Variants in EFCAB11 observed in about 807,000 individuals in gnomAD.
EFCAB11 encodes EF-hand calcium-binding domain-containing protein 11.
EFCAB11 carries 14 observed loss-of-function variants against 23.0 expected under a neutral mutation model. The ratio of observed to expected loss-of-function variants is 0.61; its 90% CI spans 0.40 to 0.95. The LOEUF (loss-of-function observed/expected upper bound fraction) is 0.95, where lower values mean the gene tolerates loss of function less well. Among genes scored for constraint, EFCAB11 ranks in the 40% least tolerant of loss-of-function variants. The probability of loss-of-function intolerance (pLI) is 0.00; values close to 1 mark genes in which losing one functional copy is unlikely to be tolerated. For synonymous variants in EFCAB11, 65 were observed against 66.6 expected, an observed-to-expected ratio of 0.98 and a Z score of 0.11; for missense variants, 198 against 195.8, an observed-to-expected ratio of 1.01 and a Z score of -0.07.
At chr14:89,895,947 C>G (rs1384205015) in intron 5 of EFCAB11, among the ~76,000 whole-genome samples, 1 of 151,822 alleles carries the variant, frequency 6.6e-6, no homozygotes, top group Admixed American at 6.6e-5. Flanking sequence ...AAGATGCAAT[C>G]GAAAAATGGG....
At chr14:89,954,370 TAGAG>T (rs1038177562) in intron 1 of EFCAB11, 164 of 1,535,728 alleles carry the variant, frequency 1.1e-4, no homozygotes, top group Non-Finnish European at 1.3e-4. Context: ...ATAGACTATA[TAGAG>T]AGAAAGGAGA....
intron 5 of EFCAB11, among the ~76,000 whole-genome samples, chr14:89,865,107 G>A (rs1043708797): frequency 3.9e-5 from 6 of 152,174 alleles, no homozygotes; most frequent in African/African-American, 1.4e-4. Context: ...AGTCAGTGCT[G>A]CATCCTTGGT....
intron 5 of EFCAB11, among the ~76,000 whole-genome samples, chr14:89,823,916 G>A: frequency 6.6e-6 from 1 of 152,114 alleles, no homozygotes; most frequent in East Asian, 1.9e-4. Flanking sequence ...AACGAACAGA[G>A]GAATGAAAAG....
At chr14:89,832,634 C>T (rs955429867) in intron 5 of EFCAB11, among the ~76,000 whole-genome samples, 4 of 152,256 alleles carry the variant, frequency 2.6e-5, no homozygotes, top group South Asian at 2.1e-4. Context: ...TTTAATCCAC[C>T]GAACCTACTG....
chr14:89,948,254 T>C (rs908128769), intron 3 of EFCAB11, among the ~76,000 whole-genome samples: 1 of 152,194 alleles, frequency 6.6e-6, no homozygotes, highest in African/African-American at 2.4e-5. Context: ...ATATCATTGA[T>C]CAGAGAAATG....
chr14:89,945,479 A>G (rs1247792108), intron 3 of EFCAB11, among the ~76,000 whole-genome samples: 1 of 152,144 alleles, frequency 6.6e-6, no homozygotes, highest in Admixed American at 6.6e-5. Context: ...TCTTTGACCT[A>G]TGAGTTATTT....
chr14:89,855,889 T>C (rs1188104483), intron 5 of EFCAB11, among the ~76,000 whole-genome samples: 1 of 152,198 alleles, frequency 6.6e-6, no homozygotes, highest in East Asian at 1.9e-4. Flanking sequence ...AATATTTGGC[T>C]TTCTGTATGT....
At chr14:89,912,898 T>C (rs1889725330) in intron 5 of EFCAB11, among the ~76,000 whole-genome samples, 3 of 152,190 alleles carry the variant, frequency 2.0e-5, no homozygotes, top group Non-Finnish European at 2.9e-5. Flanking sequence ...CGTCTATAAA[T>C]CAAACTTGCA....
intron 3 of EFCAB11, among the ~76,000 whole-genome samples, chr14:89,942,064 A>C (rs1300138158): frequency 6.6e-6 from 1 of 152,078 alleles, no homozygotes; most frequent in African/African-American, 2.4e-5. Context: ...CTCTCCTGCC[A>C]CCATGGGAAG....
chr14:89,954,623 C>T lies in EFCAB11; in HGVS notation c.38G>A (p.Trp13Ter). ...CCTGTGTTCCGAGGGACTGGCTTCCCACGTCCGCGACCTGGCTCTGGCCTC... is the reference window on the plus strand; with the variant it reads ...CCTGTGTTCCGAGGGACTGGCTTCCTACGTCCGCGACCTGGCTCTGGCCTC... ...FSEARARSRT[W>*]EASPSEHRKW... Residue 13 changes from tryptophan to a stop codon, truncating the protein, a stop_gained, in exon 1 of 6, where the codon TGG becomes TAG. Coordinates refer to ENST00000316738, the MANE Select transcript of EFCAB11 (RefSeq NM_145231.4). LOFTEE classifies it high-confidence loss of function. 3.7e-6 allele frequency: 6 copies of T among 1,613,670 alleles called. No homozygotes were observed. Among genetic ancestry groups the T allele is most frequent in the Non-Finnish European group, 5.1e-6 (6 of 1,179,970 alleles).
chr14:89,797,233 T>G lies in EFCAB11; in HGVS notation c.*10A>C, dbSNP rs998888105. 6.2e-7 allele frequency: 1 copy of G among 1,611,948 alleles called. No individual in the cohort carries two copies. Among genetic ancestry groups the G allele is most frequent in the African/African-American group, 1.3e-5 (1 of 74,872 alleles). ...ATCTCCCCAGAGTTACCAAAAGTAG[T>G]TCACAATAGTTAGGCTTCCTTCTGT... On this transcript the variant is annotated 3_prime_UTR_variant, in exon 6 of 6. Coordinates refer to ENST00000316738, the MANE Select transcript of EFCAB11 (RefSeq NM_145231.4).
At chr14:89,871,826 C>T (rs1039841158) in intron 5 of EFCAB11, among the ~76,000 whole-genome samples, 2 of 152,202 alleles carry the variant, frequency 1.3e-5, no homozygotes, top group African/African-American at 2.4e-5. Context: ...TGACATCGTA[C>T]AATCTGTGCT....
chr14:89,929,981 T>G (rs1456912477), intron 5 of EFCAB11, among the ~76,000 whole-genome samples: 1 of 152,174 alleles, frequency 6.6e-6, no homozygotes. Context: ...AAAAAGAAAA[T>G]GAGTATCAAT....
At chr14:89,842,523 C>G (rs1321814065) in intron 5 of EFCAB11, among the ~76,000 whole-genome samples, 1 of 151,998 alleles carries the variant, frequency 6.6e-6, no homozygotes, top group Admixed American at 6.6e-5. Context: ...TGCAGTGAGC[C>G]GAGATCGTGC....
At chr14:89,938,270 C>T (rs1048563922) in intron 3 of EFCAB11, 3 of 152,158 alleles carry the variant, frequency 2.0e-5, no homozygotes, top group Non-Finnish European at 4.4e-5. Context: ...CATTGTGTCA[C>T]ATATTGATTT....
intron 5 of EFCAB11, among the ~76,000 whole-genome samples, chr14:89,901,127 C>T (rs1164406379): frequency 1.3e-5 from 2 of 152,182 alleles, no homozygotes; most frequent in Admixed American, 6.5e-5. Flanking sequence ...TATTAAACTG[C>T]TAATTTTTTT....
Position 89,813,130 on chromosome 14 carries a change from C to T in EFCAB11, c.411-15806G>A, listed in dbSNP as rs369335558. On this transcript the variant is annotated intron_variant, in intron 5 of 5. Transcript: ENST00000316738. ...TGGAGAAATAAAAAAATAAGATACT[C>T]TTTCCACCTATTAGATTCGTAAACA... Among the ~76,000 whole-genome samples, 20 of 152,274 alleles carry T rather than the reference C, an allele frequency of 1.3e-4. No individual in the cohort carries two copies. In the East Asian group the frequency reaches 3.7e-3, roughly 28 times the overall value.
chr14:89,932,301 T>C (rs1890417109), intron 4 of EFCAB11, among the ~76,000 whole-genome samples: 1 of 152,174 alleles, frequency 6.6e-6, no homozygotes, highest in Non-Finnish European at 1.5e-5. Context: ...CAAGGTACAA[T>C]ATATTAGTAC....
At chr14:89,893,777 CAAA>C (rs542091673) in intron 5 of EFCAB11, among the ~76,000 whole-genome samples, 44 of 102,146 alleles carry the variant, frequency 4.3e-4, no homozygotes, top group South Asian at 1.6e-3. Flanking sequence ...CACTCGTCTC[CAAA>C]AAAAAAAAAC....
Sources: gnomAD v4.1 joint callset for allele counts (sites outside exome capture counted in the v4.1 genomes callset) on GRCh38, gnomAD v4.1.1 for gene constraint, MANE v1.5 for transcripts, NCBI Gene and HGNC (gene_info 2026-07-23, HGNC 2026-07-21) for gene names.